BBS2: variants seen among roughly 807,000 people sequenced by gnomAD.
BBS2 encodes the protein BBSome complex member BBS2.
BBS2 carries 62 observed loss-of-function variants against 83.0 expected under a neutral mutation model. The ratio of observed to expected loss-of-function variants is 0.75; its 90% CI spans 0.61 to 0.92. BBS2 has a LOEUF of 0.92. Ranked by LOEUF, BBS2 falls within the 40% of genes least tolerant of loss-of-function variation. The pLI is 0.00. For synonymous variants in BBS2, 303 were observed against 326.1 expected (o/e 0.93, Z 0.76); for missense variants, 784 against 901.0 (o/e 0.87, Z 1.66).
chr16:56,474,674 A>G (rs1318451365), intron 17 of BBS2, among the ~76,000 whole-genome samples: 2 of 152,174 alleles, frequency 1.3e-5, no homozygotes, highest in Non-Finnish European at 2.9e-5. Context: ...ACAATCTTTT[A>G]TAAGGCTGGA....
intron 17 of BBS2, chr16:56,474,972 G>C: frequency 6.2e-7 from 1 of 1,611,716 alleles, no homozygotes; most frequent in Non-Finnish European, 8.5e-7. Context: ...GAAAGCAAGC[G>C]GTGGATTATT....
intron 2 of BBS2, among the ~76,000 whole-genome samples, chr16:56,514,049 T>C (rs1354941082): frequency 6.6e-6 from 1 of 152,218 alleles, no homozygotes; most frequent in Non-Finnish European, 1.5e-5. Flanking sequence ...GTAACAAATA[T>C]GAATTGCTTG....
intron 17 of BBS2, among the ~76,000 whole-genome samples, chr16:56,472,468 TGAA>T (rs1408041450): frequency 6.6e-6 from 1 of 152,168 alleles, no homozygotes; most frequent in African/African-American, 2.4e-5. Context: ...TTTACCATCT[TGAA>T]GAAAAGCTAT....
At chr16:56,482,631 C>T (rs1018111240), downstream of BBS2, among the ~76,000 whole-genome samples, 1 of 152,084 alleles carries the variant, frequency 6.6e-6, no homozygotes, top group Non-Finnish European at 1.5e-5. Flanking sequence ...CGTAAAGTGG[C>T]CACATCAAAA....
Position 56,498,657 on chromosome 16 carries a change from A to G in BBS2, c.1528-89T>C. On this transcript the variant is annotated intron_variant, in intron 12 of 16. Transcript: ENST00000245157. ...TGCCTCTAGATATGAAGGTACAGCCATTCTTGAGGGAAGAGTTCTCCTTCT... is the reference window on the plus strand; with the variant it reads ...TGCCTCTAGATATGAAGGTACAGCCGTTCTTGAGGGAAGAGTTCTCCTTCT... 1.3e-6 allele frequency: 2 copies of G among 1,598,094 alleles called. 1 individual carries two copies. Among genetic ancestry groups the G allele is most frequent in the South Asian group, 2.2e-5 (2 of 89,632 alleles).
At chr16:56,484,965 G>A (rs1441437608) in intron 16 of BBS2, 98 bp from the exon 17 acceptor site, 5 of 881,432 alleles carry the variant, frequency 5.7e-6, no homozygotes, top group Non-Finnish European at 9.3e-6. Context: ...GGAGGGAAAA[G>A]AGTTATACTT....
rs2144139166 is a variant in BBS2, at chr16:56,499,834, G to A, written c.1471C>T (p.Pro491Ser). 4 of 1,614,154 alleles carry A rather than the reference G, an allele frequency of 2.5e-6. No homozygotes were observed. In the South Asian group the frequency reaches 3.3e-5, roughly 13 times the overall value. ...ACATAACTGATTGGCTCACTGGCAG[G>A]GTCCAGGCTGGTCAGCGCATACATG... is the stretch of plus-strand genomic sequence containing the variant. The part of the protein sequence containing the change: ...FSMYALTSLD[P>S]ASEPISYVNF... The change falls in exon 12 of 17, where the codon CCT (proline) becomes TCT (serine). Residue 491 changes from proline (P) to serine (S), a missense_variant. Transcript: ENST00000245157.
At chr16:56,516,941 G>C (rs1349945726) in intron 1 of BBS2, among the ~76,000 whole-genome samples, 2 of 152,138 alleles carry the variant, frequency 1.3e-5, no homozygotes, top group Non-Finnish European at 2.9e-5. Flanking sequence ...TTACAGAGCT[G>C]AACACAAAGT....
chr16:56,475,945 T>G, intron 17 of BBS2: 1 of 1,113,216 alleles, frequency 9.0e-7, no homozygotes, highest in Non-Finnish European at 1.3e-6. Context: ...ATCCCCAGAT[T>G]AAGTGCTTGA....
At chr16:56,513,078 T>C (rs972321583) in intron 2 of BBS2, among the ~76,000 whole-genome samples, 3 of 152,050 alleles carry the variant, frequency 2.0e-5, no homozygotes, top group Non-Finnish European at 4.4e-5. Flanking sequence ...CTTGAGCCCA[T>C]GAGGTCAAGG....
chr16:56,507,710 G>A (rs565945314), intron 5 of BBS2, among the ~76,000 whole-genome samples: 5 of 152,160 alleles, frequency 3.3e-5, no homozygotes, highest in Admixed American at 6.5e-5. Flanking sequence ...GCTCATGCCT[G>A]TAATCCCAAC....
chr16:56,482,429 G>C (rs1055310347), downstream of BBS2, among the ~76,000 whole-genome samples: 2 of 152,106 alleles, frequency 1.3e-5, no homozygotes, highest in African/African-American at 4.8e-5. Context: ...GCAGTGGCAT[G>C]ATCTCGGCTC....
At chr16:56,516,870 T>C (rs1027371646) in intron 1 of BBS2, among the ~76,000 whole-genome samples, 6 of 152,162 alleles carry the variant, frequency 3.9e-5, no homozygotes, top group Non-Finnish European at 8.8e-5. Context: ...AGTCATAAAA[T>C]ACTACTAATT....
intron 15 of BBS2, among the ~76,000 whole-genome samples, chr16:56,486,833 G>C (rs1963795023): frequency 2.0e-5 from 3 of 150,026 alleles, no homozygotes; most frequent in Admixed American, 6.7e-5. Flanking sequence ...CACGATCTCG[G>C]ATCACTGCAA....
chr16:56,470,552 G>C, exon 18 of BBS2: 1 of 1,614,086 alleles, frequency 6.2e-7, no homozygotes, highest in East Asian at 2.2e-5. Context: ...AAGTTATTTC[G>C]CTCTGAGGCA....
At chr16:56,475,446 G>C in intron 17 of BBS2, 1 of 1,461,280 alleles carries the variant, frequency 6.8e-7, no homozygotes, top group Non-Finnish European at 9.6e-7. Flanking sequence ...AGTGATTTAA[G>C]TAGATGGTGC....
chr16:56,480,352 C>CAAAAAAAAAAAAAAAAAAAAAAAAA (rs1286219655), downstream of BBS2, among the ~76,000 whole-genome samples: 50 of 76,514 alleles, frequency 6.5e-4, 2 homozygotes, highest in African/African-American at 1.1e-3. Flanking sequence ...CACACACACA[C>CAAAAAAAAAAAAAAAAAAAAAAAAA]AAAAAAAAAA....
chr16:56,474,840 C>T, intron 17 of BBS2: 1 of 1,610,716 alleles, frequency 6.2e-7, no homozygotes, highest in Non-Finnish European at 8.5e-7. Flanking sequence ...TCAAGTGTTC[C>T]CATGTGCCAA....
At chr16:56,492,444 A>G (rs1239795150) in intron 15 of BBS2, among the ~76,000 whole-genome samples, 6 of 152,232 alleles carry the variant, frequency 3.9e-5, no homozygotes, top group Non-Finnish European at 7.3e-5. Context: ...TGCATGGAGT[A>G]TCTAAAATAG....
Sources: gnomAD v4.1 joint callset for allele counts (sites outside exome capture counted in the v4.1 genomes callset) on GRCh38, gnomAD v4.1.1 for gene constraint, MANE v1.5 for transcripts, NCBI Gene and HGNC (gene_info 2026-07-23, HGNC 2026-07-21) for gene names.